Variants in VSIG2 observed in about 807,000 individuals in gnomAD.
VSIG2 encodes V-set and immunoglobulin domain containing 2.
A neutral mutation model predicts 29.4 loss-of-function variants in VSIG2; 30 were observed. That is an observed-to-expected ratio of 1.02 (90% CI 0.76 to 1.38). The LOEUF is 1.38. VSIG2 is among the 40% of genes most tolerant of loss of function. The pLI, the probability that VSIG2 is intolerant of heterozygous loss-of-function variation, is 0.00. For missense variants in VSIG2, 421 were observed against 400.8 expected, an observed-to-expected ratio of 1.05 and a Z score of -0.43; for synonymous variants, 178 against 174.2, an observed-to-expected ratio of 1.02 and a Z score of -0.17.
intron 6 of VSIG2, 67 bp downstream of exon 6, chr11:124,748,323 C>T (rs1044514547): frequency 1.3e-6 from 2 of 1,494,918 alleles, no homozygotes; most frequent in African/African-American, 2.8e-5. Context: ...TTGAGGGTTG[C>T]AGGCACCCGC....
chr11:124,748,555 C>T, intron 5 of VSIG2, 21 bp from the exon 6 acceptor site: 1 of 1,611,724 alleles, frequency 6.2e-7, no homozygotes, highest in Non-Finnish European at 8.5e-7. Flanking sequence ...ACAGGACCCT[C>T]ACTCAGAATT....
chr11:124,751,871 A>G (rs987375561), intron 1 of VSIG2, among the ~76,000 whole-genome samples: 2 of 152,174 alleles, frequency 1.3e-5, no homozygotes, highest in African/African-American at 4.8e-5. Context: ...GGAGAGGCCC[A>G]ACTCGCTCGC....
chr11:124,748,684 C>G lies in VSIG2; in HGVS notation c.666G>C (p.Gln222His). The G allele has an allele frequency of 6.2e-7, 1 of 1,614,074 alleles. No homozygotes were observed. Among genetic ancestry groups the G allele is most frequent in the South Asian group, 1.1e-5 (1 of 91,054 alleles). ...TCAGCTCACAGGATGCACTGCCCAT[C>G]TGGTTGGTGGCCACACAGCGGTAGG... ...SGTYRCVATNQMGSASCELTL... is the reference protein window; with the variant it reads ...SGTYRCVATNHMGSASCELTL... The change falls in exon 5 of 7, where the codon CAG (glutamine) becomes CAC (histidine). Residue 222 changes from glutamine (Q) to histidine (H), a missense_variant. Gln to His is a conservative substitution (Grantham distance 24). Transcript: ENST00000326621.
chr11:124,751,948 C>G, intron 1 of VSIG2, 129 bp downstream of exon 1: 1 of 1,125,488 alleles, frequency 8.9e-7, no homozygotes, highest in Non-Finnish European at 1.2e-6. Context: ...TCACCTCAGG[C>G]GCCTTAGGGC....
chr11:124,749,885 A>AAAACAAAAAAAAC lies in VSIG2; in HGVS notation c.428-20_428-19insGTTTTTTTTGTTT. ...GGGGGAACTGCAAAAAAAAAAAAAAAAAAAAAAAAACAGAAAGTTCCTCAG... is the reference window on the plus strand; with the variant it reads ...GGGGGAACTGCAAAAAAAAAAAAAAAAAACAAAAAAAACAAAAAAAAAACAGAAAGTTCCTCAG... On this transcript the variant is annotated intron_variant, in intron 3 of 6. Transcript: ENST00000326621. 1 of 1,417,534 alleles carries AAAACAAAAAAAAC rather than the reference A, an allele frequency of 7.1e-7. No homozygotes were observed. Among genetic ancestry groups the AAAACAAAAAAAAC allele is most frequent in the Non-Finnish European group, 9.3e-7 (1 of 1,078,338 alleles). The allele number at this position is 1,417,534 out of a possible 1,614,324, so 87.8% of individuals were successfully genotyped here.
chr11:124,748,359 C>T lies in VSIG2; in HGVS notation c.851+31G>A, dbSNP rs751097586. ...TTTTAACTCAAGCCCTTTCCTCCCTCCTTGCGCCACCCCCCAGCCCTCCTG... is the reference window on the plus strand; with the variant it reads ...TTTTAACTCAAGCCCTTTCCTCCCTTCTTGCGCCACCCCCCAGCCCTCCTG... On this transcript the variant is annotated intron_variant, in intron 6 of 6. Transcript: ENST00000326621. 6.3e-6 allele frequency: 10 copies of T among 1,575,340 alleles called. No homozygotes were observed. In the South Asian group the frequency reaches 9.5e-5, roughly 15 times the overall value.
At position 124,749,702 on chromosome 11, in the gene VSIG2, C is replaced by T. The variant is rs1944056635; in HGVS notation, c.586+6G>A. On this transcript the variant is annotated splice_donor_region_variant and intron_variant, in intron 4 of 6. Coordinates refer to ENST00000326621, the MANE Select transcript of VSIG2 (RefSeq NM_014312.5). ...GTACCCTCTTCCTGATGCCCTGGGC[C>T]CTTACCTTGAACCATGCTGCCAGGA... 2 of 1,611,880 alleles carry T rather than the reference C, an allele frequency of 1.2e-6. No homozygotes were observed. The highest frequency in any genetic ancestry group is 2.7e-5 in the African/African-American group (2 of 74,674).
intron 2 of VSIG2, 105 bp downstream of exon 2, chr11:124,751,318 T>C: frequency 7.0e-7 from 1 of 1,424,656 alleles, no homozygotes; most frequent in Non-Finnish European, 9.6e-7. Flanking sequence ...TACCTTTTCA[T>C]CCAAGCATAC....
At position 124,747,626 on chromosome 11, in the gene VSIG2, A is replaced by G. The variant is rs1565438654; in HGVS notation, c.893T>C (p.Met298Thr). ...GAACCCCTTGCTAGAATCAGCCCTC[A>G]TACAAGTGTGCTCAGAGATCCCAGG... ...IAPGISEHTCMRADSSKGFLE... is the reference protein window; with the variant it reads ...IAPGISEHTCTRADSSKGFLE... Residue 298 changes from methionine (M) to threonine (T), a missense_variant, in exon 7 of 7, where the codon ATG (methionine) becomes ACG (threonine). Met to Thr is a moderately conservative substitution (Grantham distance 81). Coordinates refer to ENST00000326621, the MANE Select transcript of VSIG2 (RefSeq NM_014312.5). The G allele has an allele frequency of 1.2e-6, 2 of 1,613,946 alleles. No homozygotes were observed. Among genetic ancestry groups the G allele is most frequent in the South Asian group, 2.2e-5 (2 of 91,054 alleles).
intron 3 of VSIG2, 103 bp downstream of exon 3, chr11:124,750,611 G>A (rs1463308206): frequency 1.5e-6 from 2 of 1,306,984 alleles, no homozygotes; most frequent in East Asian, 2.5e-5. Flanking sequence ...GTGCAGTTGT[G>A]TGCTTGGGCT....
chr11:124,750,402 TCCAA>T (rs1944070616), intron 3 of VSIG2, among the ~76,000 whole-genome samples: 1 of 152,244 alleles, frequency 6.6e-6, no homozygotes, highest in South Asian at 2.1e-4. Context: ...AGGGACAGAA[TCCAA>T]CTACCGATGA....
chr11:124,751,675 T>C, intron 1 of VSIG2, 95 bp from the exon 2 acceptor site: 2 of 1,329,226 alleles, frequency 1.5e-6, no homozygotes, highest in African/African-American at 3.0e-5. Flanking sequence ...AGCTGGGGGC[T>C]CCCTCCCCAG....
rs1446499545 is a variant in VSIG2 at position 124,749,698 on chromosome 11, G to C, written c.586+10C>G. ...TCCAGTACCCTCTTCCTGATGCCCT[G>C]GGCCCTTACCTTGAACCATGCTGCC... On this transcript the variant is annotated intron_variant, in intron 4 of 6. Transcript: ENST00000326621. 16 of 1,611,250 alleles carry C rather than the reference G, an allele frequency of 9.9e-6. No individual in the cohort carries two copies. Among genetic ancestry groups the C allele is most frequent in the Non-Finnish European group, 1.3e-5 (15 of 1,178,918 alleles).
rs555245859 is a variant in VSIG2 at position 124,752,249 on chromosome 11, C to A, written c.-112G>T. 5.4e-6 allele frequency: 6 copies of A among 1,103,874 alleles called. No homozygotes were observed. The Admixed American group carries it at 1.5e-4, about 27-fold the overall frequency. The allele number at this position is 1,103,874 out of a possible 1,614,324, so 68.4% of individuals were successfully genotyped here. A position where few individuals can be genotyped will look rare whatever the true frequency, so the allele number is the denominator to read the frequency against. ...GGCAGCCGCCCGGGCTGGGCAGGAG[C>A]GAGACTGGTATCTCAGAGCAAACAG... On this transcript the variant is annotated 5_prime_UTR_variant, in exon 1 of 7. Coordinates refer to ENST00000326621, the MANE Select transcript of VSIG2 (RefSeq NM_014312.5).
intron 1 of VSIG2, among the ~76,000 whole-genome samples, chr11:124,751,870 C>A (rs564437793): frequency 6.6e-6 from 1 of 152,338 alleles, no homozygotes; most frequent in Non-Finnish European, 1.5e-5. Flanking sequence ...CGGAGAGGCC[C>A]AACTCGCTCG....
At position 124,751,121 on chromosome 11, in the gene VSIG2, GTC is replaced by G. The variant is rs10699910; in HGVS notation, c.220-202_220-201del. On this transcript the variant is annotated intron_variant, in intron 2 of 6. Transcript: ENST00000326621. The stretch of plus-strand genomic sequence containing the variant: ...GGTGCTAAATGAACCTGATCCATTG[GTC>G]TCTCTCTCTCTCTCTCAAAGAGAGA... Among the ~76,000 whole-genome samples the G allele has an allele frequency of 3.4e-3, 511 of 149,568 alleles. 2 individuals carry two copies. The highest frequency in any genetic ancestry group is 0.011 in the African/African-American group (440 of 40,746).
At chr11:124,748,828 C>G in intron 4 of VSIG2, 65 bp from the exon 5 acceptor site, 1 of 1,611,456 alleles carries the variant, frequency 6.2e-7, no homozygotes, top group African/African-American at 1.3e-5. Flanking sequence ...ACGAGGACAG[C>G]ACATTTCATG....
chr11:124,748,791 G>A (rs537943772), intron 4 of VSIG2, 28 bp from the exon 5 acceptor site: 25 of 1,614,058 alleles, frequency 1.5e-5, no homozygotes, highest in Middle Eastern at 3.3e-4. Flanking sequence ...AGTGTTCCAC[G>A]ACTCATTCAA....
At position 124,750,902 on chromosome 11, in the gene VSIG2, C is replaced by T. The variant is rs909137593; in HGVS notation, c.239G>A (p.Gly80Asp). The T allele has an allele frequency of 1.2e-5, 19 of 1,613,974 alleles. No individual in the cohort carries two copies. The highest frequency in any genetic ancestry group is 4.4e-5 in the South Asian group (4 of 91,084). ...ESHPILYFTNGHLYPTGSKSK... is the reference protein window; with the variant it reads ...ESHPILYFTNDHLYPTGSKSK... ...CTTAGAACCAGTTGGATACAGATGGCCATTGGTGAAGTACAGGATCTGGGG... is the reference window on the plus strand; with the variant it reads ...CTTAGAACCAGTTGGATACAGATGGTCATTGGTGAAGTACAGGATCTGGGG... Residue 80 changes from glycine to aspartate, a missense_variant, in exon 3 of 7, where the codon GGC becomes GAC. Physicochemically the swap from Gly to Asp is moderately conservative, Grantham distance 94. Coordinates refer to ENST00000326621, the MANE Select transcript of VSIG2 (RefSeq NM_014312.5).
Sources: allele counts gnomAD v4.1 joint callset (sites outside exome capture counted in the v4.1 genomes callset), GRCh38; gene constraint gnomAD v4.1.1; transcripts MANE v1.5; gene names NCBI Gene and HGNC (gene_info 2026-07-23, HGNC 2026-07-21).